PLD5: variants seen among roughly 807,000 people sequenced by gnomAD.
PLD5 encodes the protein inactive phospholipase D5.
Under a neutral mutation model 61.1 loss-of-function variants are expected in PLD5, and 36 were observed. That is an observed-to-expected ratio of 0.59 (90% CI 0.45 to 0.78). The LOEUF (loss-of-function observed/expected upper bound fraction) is 0.78. Among genes scored for constraint, PLD5 ranks in the 30% least tolerant of loss-of-function variants. The pLI is 0.00. For missense variants in PLD5, 515 were observed against 644.4 expected (o/e 0.80, Z 2.17); for synonymous variants, 243 against 242.8 (o/e 1.00, Z -0.01).
intron 2 of PLD5, among the ~76,000 whole-genome samples, chr1:242,315,079 C>T (rs375817272): frequency 6.6e-6 from 1 of 152,194 alleles, no homozygotes; most frequent in Admixed American, 6.5e-5. Flanking sequence ...GCCAGACTTG[C>T]CCCACTGCTG....
At chr1:242,490,613 T>G (rs1668116633) in intron 1 of PLD5, among the ~76,000 whole-genome samples, 2 of 152,238 alleles carry the variant, frequency 1.3e-5, no homozygotes, top group African/African-American at 4.8e-5. Flanking sequence ...ACTTGATTTC[T>G]AAAACACTGA....
intron 5 of PLD5, among the ~76,000 whole-genome samples, chr1:242,216,844 T>C (rs1670238497): frequency 6.6e-6 from 1 of 152,246 alleles, no homozygotes; most frequent in Non-Finnish European, 1.5e-5. Flanking sequence ...CAAAGTTTCA[T>C]AGGACATGCT....
intron 1 of PLD5, among the ~76,000 whole-genome samples, chr1:242,500,451 G>T (rs1668517485): frequency 6.6e-6 from 1 of 152,140 alleles, no homozygotes; most frequent in Admixed American, 6.5e-5. Context: ...CAAGACATTT[G>T]CTAGGATACG....
At chr1:242,333,202 T>G (rs1206862197) in intron 2 of PLD5, among the ~76,000 whole-genome samples, 2 of 152,150 alleles carry the variant, frequency 1.3e-5, no homozygotes, top group Non-Finnish European at 2.9e-5. Context: ...AGCAGAACTT[T>G]GCACATAAGA....
intron 1 of PLD5, among the ~76,000 whole-genome samples, chr1:242,494,091 T>TCTCCTCCCCTCCCCTCCCCTCTCC (rs1668276643): frequency 1.3e-4 from 8 of 62,376 alleles, no homozygotes; most frequent in African/African-American, 5.6e-4. Context: ...CTGCCCTCCC[T>TCTCCTCCCCTCCCCTCCCCTCTCC]TCCCCTCTCC....
intron 9 of PLD5, among the ~76,000 whole-genome samples, chr1:242,096,849 T>TG (rs1202617059): frequency 6.6e-6 from 1 of 152,148 alleles, no homozygotes; most frequent in East Asian, 1.9e-4. Context: ...ACCCATTAAC[T>TG]CATCATTTAA....
intron 1 of PLD5, among the ~76,000 whole-genome samples, chr1:242,474,553 T>C (rs1164439014): frequency 6.6e-6 from 1 of 152,220 alleles, no homozygotes; most frequent in Admixed American, 6.5e-5. Flanking sequence ...GGTCTCCCTG[T>C]CATTTTCCTA....
intron 5 of PLD5, among the ~76,000 whole-genome samples, chr1:242,128,228 C>A (rs978585094): frequency 1.3e-5 from 2 of 151,888 alleles, no homozygotes; most frequent in Non-Finnish European, 2.9e-5. Context: ...TCCCTTGAGC[C>A]CAGGAGTTCA....
chr1:242,329,302 G>C (rs1336287298), intron 2 of PLD5, among the ~76,000 whole-genome samples: 2 of 152,132 alleles, frequency 1.3e-5, no homozygotes, highest in South Asian at 4.2e-4. Flanking sequence ...GAGCCACTGT[G>C]CTCAGCCTTT....
At chr1:242,194,216 T>A (rs1668460039) in intron 5 of PLD5, among the ~76,000 whole-genome samples, 1 of 152,132 alleles carries the variant, frequency 6.6e-6, no homozygotes, top group East Asian at 1.9e-4. Context: ...TGTTTTCTGA[T>A]GGGATGGGCA....
At chr1:242,297,634 T>A (rs1213264446) in intron 2 of PLD5, among the ~76,000 whole-genome samples, 2 of 2,448 alleles carry the variant, frequency 8.2e-4, no homozygotes, top group African/African-American at 1.5e-3. Flanking sequence ...TTTTTTTTTT[T>A]TTTTTTTTTT....
At chr1:242,522,940 C>T (rs1669325279) in intron 1 of PLD5, among the ~76,000 whole-genome samples, 1 of 152,166 alleles carries the variant, frequency 6.6e-6, no homozygotes, top group Admixed American at 6.5e-5. Context: ...AAAGCAGGCA[C>T]AGACCTTCCT....
chr1:242,488,694 G>A (rs905382891), intron 1 of PLD5, among the ~76,000 whole-genome samples: 1 of 152,144 alleles, frequency 6.6e-6, no homozygotes, highest in African/African-American at 2.4e-5. Context: ...CCCATGAAAT[G>A]TACAACACAA....
At chr1:242,187,915 G>C (rs1668008924) in intron 5 of PLD5, among the ~76,000 whole-genome samples, 1 of 152,220 alleles carries the variant, frequency 6.6e-6, no homozygotes, top group African/African-American at 2.4e-5. Flanking sequence ...ACAGATAGGA[G>C]TGAAACTGAG....
chr1:242,284,767 C>T (rs983576688), intron 3 of PLD5, among the ~76,000 whole-genome samples: 1 of 152,202 alleles, frequency 6.6e-6, no homozygotes, highest in Non-Finnish European at 1.5e-5. Flanking sequence ...ATCATTGCTT[C>T]CCCACAGGAC....
intron 1 of PLD5, among the ~76,000 whole-genome samples, chr1:242,516,055 G>A (rs1669091239): frequency 6.6e-6 from 1 of 151,876 alleles, no homozygotes; most frequent in Admixed American, 6.6e-5. Context: ...GATAACTAAT[G>A]ACATCAAGCA....
At chr1:242,392,874 T>C (rs1257664795) in intron 1 of PLD5, among the ~76,000 whole-genome samples, 1 of 152,158 alleles carries the variant, frequency 6.6e-6, no homozygotes, top group Admixed American at 6.5e-5. Flanking sequence ...AGGATTATAA[T>C]GAAGAAATTA....
chr1:242,114,287 A>G (rs1661770272), intron 6 of PLD5, among the ~76,000 whole-genome samples: 1 of 152,186 alleles, frequency 6.6e-6, no homozygotes, highest in Admixed American at 6.6e-5. Flanking sequence ...TTTATGTATT[A>G]AAAAATTTAA....
At chr1:242,144,349 A>G (rs990553046) in intron 5 of PLD5, among the ~76,000 whole-genome samples, 7 of 152,144 alleles carry the variant, frequency 4.6e-5, no homozygotes, top group African/African-American at 1.4e-4. Context: ...GTGAAATAAC[A>G]TTACTCAATT....
Sources: gnomAD v4.1 joint callset for allele counts (sites outside exome capture counted in the v4.1 genomes callset) on GRCh38, gnomAD v4.1.1 for gene constraint, MANE v1.5 for transcripts, NCBI Gene and HGNC (gene_info 2026-07-23, HGNC 2026-07-21) for gene names.